The following FAM47E variants were observed in gnomAD, a reference collection of about 807,000 sequenced individuals.
FAM47E encodes the protein family with sequence similarity 47 member E.
FAM47E carries 32 observed loss-of-function variants against 41.6 expected under a neutral mutation model. The observed-to-expected ratio is 0.77, with a 90% CI of 0.58 to 1.03. The LOEUF is 1.03. Among genes scored for constraint, FAM47E ranks in the 50% least tolerant of loss-of-function variants. FAM47E has a pLI of 0.00. For synonymous variants in FAM47E, 184 were observed against 188.7 expected (o/e 0.98, Z 0.20); for missense variants, 424 against 485.4 (o/e 0.87, Z 1.19).
At chr4:76,267,308 A>G (rs572419389) in intron 3 of FAM47E, among the ~76,000 whole-genome samples, 4 of 152,212 alleles carry the variant, frequency 2.6e-5, no homozygotes, top group Non-Finnish European at 2.9e-5. Flanking sequence ...AGGAAGGCAC[A>G]TGTATGTTGA....
At chr4:76,277,900 A>G (rs901404711) in intron 5 of FAM47E, among the ~76,000 whole-genome samples, 169 bp from the exon 6 acceptor site, 1 of 152,228 alleles carries the variant, frequency 6.6e-6, no homozygotes, top group Admixed American at 6.5e-5. Context: ...ATGAACTTTA[A>G]TGTTTACTTT....
At chr4:76,251,633 A>G (rs1299621781), upstream of FAM47E, 9 of 1,346,946 alleles carry the variant, frequency 6.7e-6, no homozygotes, top group South Asian at 1.3e-4. Context: ...CAGAGTTGCC[A>G]GGCGCCCGGG....
At chr4:76,256,987 G>T (rs1035784623) in intron 2 of FAM47E, among the ~76,000 whole-genome samples, 2 of 152,106 alleles carry the variant, frequency 1.3e-5, no homozygotes, top group Non-Finnish European at 2.9e-5. Flanking sequence ...TCCTCCTAAT[G>T]GTCCAGACTA....
At chr4:76,278,896 G>T (rs1735236895) in intron 6 of FAM47E, 1 of 152,136 alleles carries the variant, frequency 6.6e-6, no homozygotes, top group Non-Finnish European at 1.5e-5. Flanking sequence ...CTCTAATGAG[G>T]ATATTTGCAA....
chr4:76,256,283 G>T lies in FAM47E; in HGVS notation c.180G>T (p.Pro60=). The T allele has an allele frequency of 6.4e-7, 1 of 1,551,682 alleles. No individual in the cohort carries two copies. The highest frequency in any genetic ancestry group is 8.7e-7 in the Non-Finnish European group (1 of 1,146,994). ...TGGACGACTTCAGGAAGGGCTGCCC[G>T]CCTTGCACTGGTCTGGTGACTCAGG... is the stretch of plus-strand genomic sequence containing the variant. The part of the protein sequence containing the change: ...KGLDDFRKGC[P]PCTGLVTQVP... The change falls in exon 2 of 8, where the codon CCG becomes CCT. Residue 60 remains proline, a synonymous_variant. Transcript: ENST00000424749.
chr4:76,217,617 T>C, exon 2 of FAM47E: 1 of 625,072 alleles, frequency 1.6e-6, no homozygotes, highest in Non-Finnish European at 2.9e-6. Context: ...AATGCAGATG[T>C]CTGTGCCGTG....
At chr4:76,236,340 A>G (rs1167466626) in intron 2 of FAM47E, 1 of 152,176 alleles carries the variant, frequency 6.6e-6, no homozygotes, top group African/African-American at 2.4e-5. Context: ...TTCATATTGT[A>G]TTTATTTCAA....
chr4:76,233,816 T>C (rs769684593), intron 2 of FAM47E, among the ~76,000 whole-genome samples: 2 of 152,150 alleles, frequency 1.3e-5, no homozygotes, highest in Non-Finnish European at 2.9e-5. Context: ...AAGGCTTCAT[T>C]TCAGAACCAA....
At chr4:76,243,901 A>T (rs1733763947) in intron 2 of FAM47E, among the ~76,000 whole-genome samples, 1 of 151,580 alleles carries the variant, frequency 6.6e-6, no homozygotes, top group South Asian at 2.1e-4. Context: ...TAGCCCCATA[A>T]CCCCTGACAG....
Position 76,256,417 on chromosome 4 carries a change from C to T in FAM47E, c.314C>T (p.Ser105Leu), listed in dbSNP as rs1267731930. 1.9e-5 allele frequency: 30 copies of T among 1,552,286 alleles called. No individual in the cohort carries two copies. In the East Asian group the frequency reaches 6.1e-4, roughly 32 times the overall value. ...GAAGCAGACGTGCTTTCCAAGCTCT[C>T]GCCAGCCCAGCAGGCTCGGAAGGCA... ...LKEADVLSKL[S>L]PAQQARKAFL... The change falls in exon 2 of 8, where the codon TCG (serine) becomes TTG (leucine). Residue 105 changes from serine to leucine, a missense_variant. By Grantham distance (145) the Ser-to-Leu change is moderately radical. Transcript: ENST00000424749.
Position 76,238,250 on chromosome 4 carries a change from T to A in FAM47E, c.81+20562T>A, listed in dbSNP as rs145561164. Among the ~76,000 whole-genome samples, 108 of 152,346 alleles carry A rather than the reference T, an allele frequency of 7.1e-4. No homozygotes were observed. In the East Asian group the frequency reaches 0.019, roughly 27 times the overall value. ...GTCAGGCTGAATGTTCCCAGGTTAC[T>A]TTGGGTTAGCCTGGCGTTTCCAAGT... On this transcript the variant is annotated intron_variant, in intron 2 of 7. Transcript: ENST00000510197.
intron 3 of FAM47E, among the ~76,000 whole-genome samples, chr4:76,267,154 C>G (rs1373686399): frequency 6.6e-6 from 1 of 152,200 alleles, no homozygotes; most frequent in Non-Finnish European, 1.5e-5. Context: ...CAGTTCAATT[C>G]TAATGCCTGG....
intron 2 of FAM47E, among the ~76,000 whole-genome samples, chr4:76,262,262 A>G (rs567102789): frequency 1.3e-5 from 2 of 152,336 alleles, no homozygotes; most frequent in Admixed American, 1.3e-4. Context: ...CCTAAAAGAA[A>G]AAAAGCAACT....
intron 4 of FAM47E, 131 bp downstream of exon 4, chr4:76,268,899 A>G: frequency 8.8e-7 from 1 of 1,139,604 alleles, no homozygotes; most frequent in East Asian, 2.7e-5. Flanking sequence ...ATAAAATCTA[A>G]GTCAAATCCT....
chr4:76,216,988 C>T (rs975223075), intron 1 of FAM47E, among the ~76,000 whole-genome samples: 2 of 152,234 alleles, frequency 1.3e-5, no homozygotes, highest in African/African-American at 4.8e-5. Flanking sequence ...GTTCCATCTT[C>T]TCTACCCACA....
At chr4:76,264,969 C>T (rs1734572239) in intron 3 of FAM47E, among the ~76,000 whole-genome samples, 1 of 152,166 alleles carries the variant, frequency 6.6e-6, no homozygotes, top group Admixed American at 6.5e-5. Flanking sequence ...AGTAGCCTAT[C>T]CACAGTACCC....
In FAM47E at chr4:76,268,749, G is replaced by T. The variant is rs199912371; in HGVS notation, c.650G>T (p.Arg217Leu). 4 of 1,551,326 alleles carry T rather than the reference G, an allele frequency of 2.6e-6. No individual in the cohort carries two copies. The highest frequency in any genetic ancestry group is 3.5e-6 in the Non-Finnish European group (4 of 1,146,928). The change falls in exon 4 of 8, where the codon CGT becomes CTT. Residue 217 changes from arginine to leucine, a missense_variant. Transcript: ENST00000424749. ...GATTTGCTCCATGAAAATGGTCCTC[G>T]TCCTGGTCTTCATGAAAATGTATGC... is the stretch of plus-strand genomic sequence containing the variant. ...KMDLLHENGP[R>L]PGLHENGISD...
intron 5 of FAM47E, among the ~76,000 whole-genome samples, chr4:76,274,907 C>T (rs996276072): frequency 3.3e-5 from 5 of 152,164 alleles, no homozygotes; most frequent in East Asian, 1.9e-4. Context: ...TCTGGACTCT[C>T]GGTCCTGTCA....
intron 4 of FAM47E, chr4:76,269,052 T>A: frequency 2.6e-6 from 1 of 384,936 alleles, no homozygotes; most frequent in Non-Finnish European, 4.5e-6. Context: ...GTTTCATATT[T>A]TTATTTTCCA....
Sources: gnomAD v4.1 joint callset for allele counts (sites outside exome capture counted in the v4.1 genomes callset) on GRCh38, gnomAD v4.1.1 for gene constraint, MANE v1.5 for transcripts, NCBI Gene and HGNC (gene_info 2026-07-23, HGNC 2026-07-21) for gene names.